Variants in MPZL1 observed in about 807,000 individuals in gnomAD.
The protein encoded by MPZL1 is myelin protein zero like 1, also known as myelin protein zero-like protein 1.
MPZL1 carries 16 observed loss-of-function variants against 29.3 expected under a neutral mutation model. The ratio of observed to expected loss-of-function variants is 0.55; its 90% CI spans 0.37 to 0.83. MPZL1 has a LOEUF of 0.83. MPZL1 is among the 40% of genes least tolerant of loss of function. The pLI, the probability that MPZL1 is intolerant of heterozygous loss-of-function variation, is 0.00. For missense variants in MPZL1, 279 were observed against 332.9 expected (o/e 0.84, Z 1.26); for synonymous variants, 143 against 132.0 (o/e 1.08, Z -0.57).
chr1:167,754,637 ACAGT>A (rs1471903057), intron 1 of MPZL1, among the ~76,000 whole-genome samples: 1 of 152,248 alleles, frequency 6.6e-6, no homozygotes, highest in Non-Finnish European at 1.5e-5. Flanking sequence ...ACCTATACCT[ACAGT>A]CAATCAAATG....
At chr1:167,782,915 A>G (rs942934034) in intron 5 of MPZL1, among the ~76,000 whole-genome samples, 1 of 152,216 alleles carries the variant, frequency 6.6e-6, no homozygotes, top group Non-Finnish European at 1.5e-5. Context: ...TGTGGAAGGC[A>G]CGCAGTCCTA....
chr1:167,729,232 C>T (rs1300004846), intron 1 of MPZL1, among the ~76,000 whole-genome samples: 7 of 150,756 alleles, frequency 4.6e-5, no homozygotes, highest in Non-Finnish European at 1.0e-4. Flanking sequence ...ATCGTGTCAT[C>T]GCACTCCAGC....
chr1:167,743,134 T>C (rs1057505740), intron 1 of MPZL1, among the ~76,000 whole-genome samples: 1 of 152,022 alleles, frequency 6.6e-6, no homozygotes, highest in Non-Finnish European at 1.5e-5. Context: ...TTTTTTCTAG[T>C]TCTGTGAAAA....
chr1:167,724,244 G>A (rs779440927), intron 1 of MPZL1, among the ~76,000 whole-genome samples: 1 of 152,200 alleles, frequency 6.6e-6, no homozygotes, highest in Admixed American at 6.5e-5. Context: ...GAACCTGTTG[G>A]TAGTTCAGTA....
chr1:167,745,279 G>A (rs901049084), intron 1 of MPZL1, among the ~76,000 whole-genome samples: 8 of 152,054 alleles, frequency 5.3e-5, no homozygotes, highest in Admixed American at 2.0e-4. Flanking sequence ...CAAAAATGAT[G>A]TCAGACTCTT....
intron 1 of MPZL1, among the ~76,000 whole-genome samples, chr1:167,734,620 T>G (rs2101751040): frequency 6.6e-6 from 1 of 152,316 alleles, no homozygotes; most frequent in East Asian, 1.9e-4. Context: ...TGCACCTTCA[T>G]GGTTCACATT....
intron 1 of MPZL1, among the ~76,000 whole-genome samples, chr1:167,749,676 A>G (rs1399568148): frequency 2.0e-5 from 3 of 152,250 alleles, no homozygotes; most frequent in Admixed American, 2.0e-4. Flanking sequence ...AAAGAACTTC[A>G]GAATTGTTTA....
At chr1:167,729,814 G>A (rs1660226480) in intron 1 of MPZL1, among the ~76,000 whole-genome samples, 1 of 152,084 alleles carries the variant, frequency 6.6e-6, no homozygotes, top group East Asian at 1.9e-4. Flanking sequence ...TTTGCTAAAC[G>A]ATTTACTTAT....
intron 1 of MPZL1, among the ~76,000 whole-genome samples, chr1:167,739,296 T>TAC (rs1471139570): frequency 2.6e-5 from 3 of 113,616 alleles, no homozygotes; most frequent in East Asian, 2.3e-4. Context: ...TATATATATA[T>TAC]ATATATATAT....
chr1:167,754,841 G>T (rs1660834652), intron 1 of MPZL1, among the ~76,000 whole-genome samples: 1 of 152,208 alleles, frequency 6.6e-6, no homozygotes, highest in African/African-American at 2.4e-5. Context: ...GGAGGTAGGG[G>T]TGGGACCCAG....
chr1:167,776,255 C>T (rs1314910323), intron 5 of MPZL1, 89 bp downstream of exon 5: 4 of 867,232 alleles, frequency 4.6e-6, no homozygotes, highest in Non-Finnish European at 7.1e-6. Context: ...GAATACTGAG[C>T]TATGAGAGAC....
At chr1:167,733,380 A>C (rs1422225116) in intron 1 of MPZL1, among the ~76,000 whole-genome samples, 1 of 152,176 alleles carries the variant, frequency 6.6e-6, no homozygotes, top group African/African-American at 2.4e-5. Flanking sequence ...TATAGATAAG[A>C]GTGTCACAAA....
intron 1 of MPZL1, among the ~76,000 whole-genome samples, chr1:167,750,795 G>A (rs887543426): frequency 6.6e-6 from 1 of 152,170 alleles, no homozygotes; most frequent in African/African-American, 2.4e-5. Context: ...ATGTCCATTA[G>A]AGCAGAAGAA....
In MPZL1 at chr1:167,729,037, G is replaced by A. The variant is rs146897948; in HGVS notation, c.91+6795G>A. Among the ~76,000 whole-genome samples, 73 of 152,054 alleles carry A rather than the reference G, an allele frequency of 4.8e-4. No homozygotes were observed. In the East Asian group the frequency reaches 0.013, roughly 27 times the overall value. On this transcript the variant is annotated intron_variant, in intron 1 of 5. Coordinates refer to ENST00000359523, the MANE Select transcript of MPZL1 (RefSeq NM_003953.6). ...TCCCAGCACTTTGAGAGGCTGAGGC[G>A]GGTGGATTGCCTGAGCTAAGGAGTA...
chr1:167,751,706 G>A (rs946309765), intron 1 of MPZL1, among the ~76,000 whole-genome samples: 1 of 151,408 alleles, frequency 6.6e-6, no homozygotes, highest in Non-Finnish European at 1.5e-5. Flanking sequence ...TTAAATGTAT[G>A]CAATACTTAG....
intron 1 of MPZL1, among the ~76,000 whole-genome samples, chr1:167,753,517 C>T (rs937124876): frequency 5.3e-5 from 8 of 152,092 alleles, no homozygotes; most frequent in African/African-American, 1.2e-4. Context: ...GTAAAAAAGG[C>T]GAAGTATTTC....
intron 1 of MPZL1, among the ~76,000 whole-genome samples, chr1:167,751,936 C>G (rs1374229916): frequency 6.6e-6 from 1 of 152,124 alleles, no homozygotes; most frequent in Non-Finnish European, 1.5e-5. Context: ...CCAAATGTCT[C>G]TTCTTTTCCT....
intron 5 of MPZL1, among the ~76,000 whole-genome samples, chr1:167,784,278 C>G (rs1473037406): frequency 6.6e-6 from 1 of 152,166 alleles, no homozygotes; most frequent in East Asian, 1.9e-4. Context: ...AAGGCCTATT[C>G]ATGCAGAAAG....
intron 2 of MPZL1, among the ~76,000 whole-genome samples, chr1:167,768,357 A>G (rs995969576): frequency 8.8e-5 from 13 of 147,200 alleles, no homozygotes; most frequent in Non-Finnish European, 1.9e-4. Flanking sequence ...GCTGTACCCC[A>G]TTTTTACCCT....
Sources: allele counts gnomAD v4.1 joint callset (sites outside exome capture counted in the v4.1 genomes callset), GRCh38; gene constraint gnomAD v4.1.1; transcripts MANE v1.5; gene names NCBI Gene and HGNC (gene_info 2026-07-23, HGNC 2026-07-21).